EMP2: variants seen among roughly 807,000 people sequenced by gnomAD.
The protein encoded by EMP2 is epithelial membrane protein 2.
Under a neutral mutation model 13.7 loss-of-function variants are expected in EMP2, and 19 were observed. That is an observed-to-expected ratio of 1.38 (90% confidence interval 0.97 to 2.03). The LOEUF (loss-of-function observed/expected upper bound fraction) is 2.03. EMP2 is among the 30% of genes most tolerant of loss of function. The probability of loss-of-function intolerance (pLI) is 0.00; values close to 1 mark genes in which losing one functional copy is unlikely to be tolerated. For missense variants in EMP2, 253 were observed against 220.7 expected (o/e 1.15, Z -0.93); for synonymous variants, 97 against 84.7 (o/e 1.15, Z -0.80).
intron 1 of EMP2, among the ~76,000 whole-genome samples, chr16:10,579,083 G>T (rs1385757865): frequency 4.6e-5 from 7 of 152,222 alleles, no homozygotes; most frequent in Non-Finnish European, 7.3e-5. Flanking sequence ...ACTTGCAACA[G>T]GAGAGCGTGC....
intron 4 of EMP2, among the ~76,000 whole-genome samples, chr16:10,535,773 T>A (rs553027793): frequency 6.6e-6 from 1 of 151,374 alleles, no homozygotes; most frequent in East Asian, 1.9e-4. Flanking sequence ...GGGTGGGGGG[T>A]CCACGCCTCT....
chr16:10,551,510 G>T (rs952589545), intron 1 of EMP2, among the ~76,000 whole-genome samples: 1 of 152,118 alleles, frequency 6.6e-6, no homozygotes, highest in Non-Finnish European at 1.5e-5. Context: ...GGGTTCAAGC[G>T]ATTCTCCTGC....
rs1276462773 is a variant in EMP2, at chr16:10,532,367, C to T, written c.*538G>A. 2 of 152,704 alleles carry T rather than the reference C, an allele frequency of 1.3e-5. No individual in the cohort carries two copies. Among genetic ancestry groups the T allele is most frequent in the African/African-American group, 2.4e-5 (1 of 41,434 alleles). 9.5% of individuals were successfully genotyped at this position (152,704 alleles called of 1,614,324 possible). The stretch of plus-strand genomic sequence containing the variant: ...GGATGGCTGGGCTCTGGTTTGGATA[C>T]AGACAGAATGCCAGGGACTACACCT... On this transcript the variant is annotated 3_prime_UTR_variant, in exon 5 of 5. Coordinates refer to ENST00000359543, the MANE Select transcript of EMP2 (RefSeq NM_001424.6).
At chr16:10,555,591 T>C (rs548576274) in intron 1 of EMP2, among the ~76,000 whole-genome samples, 1 of 118,250 alleles carries the variant, frequency 8.5e-6, no homozygotes, top group African/African-American at 3.3e-5. Context: ...AGTCACTTTT[T>C]TTTTCTTTTT....
intron 1 of EMP2, among the ~76,000 whole-genome samples, chr16:10,575,583 C>T (rs974213582): frequency 6.6e-6 from 1 of 151,972 alleles, no homozygotes; most frequent in East Asian, 1.9e-4. Flanking sequence ...TAGATGATAA[C>T]CTCCTCTGAA....
chr16:10,578,019 A>G (rs1198231852), intron 1 of EMP2: 2 of 133,916 alleles, frequency 1.5e-5, no homozygotes, highest in East Asian at 4.5e-4. Context: ...TCTGCTTCCC[A>G]AACAAACCTC....
At chr16:10,570,044 G>A (rs907092301) in intron 1 of EMP2, among the ~76,000 whole-genome samples, 2 of 151,956 alleles carry the variant, frequency 1.3e-5, no homozygotes, top group African/African-American at 4.8e-5. Flanking sequence ...TGGGTCTGCT[G>A]AGACACTGGG....
chr16:10,558,253 C>G (rs2050846844), intron 1 of EMP2, among the ~76,000 whole-genome samples: 1 of 152,110 alleles, frequency 6.6e-6, no homozygotes. Flanking sequence ...TCTCAAACTC[C>G]TGGCCTCAAG....
At chr16:10,573,937 T>TG (rs1389592171) in intron 1 of EMP2, among the ~76,000 whole-genome samples, 1 of 138,278 alleles carries the variant, frequency 7.2e-6, no homozygotes, top group African/African-American at 2.8e-5. Flanking sequence ...AACCTTTTTT[T>TG]TTTTTTTTTT....
intron 1 of EMP2, among the ~76,000 whole-genome samples, chr16:10,564,297 C>T (rs763671666): frequency 1.3e-5 from 2 of 151,958 alleles, no homozygotes; most frequent in Middle Eastern, 3.2e-3. Flanking sequence ...TCAAGACCAG[C>T]CTGGCCAACA....
At chr16:10,570,218 T>C (rs2050937536) in intron 1 of EMP2, among the ~76,000 whole-genome samples, 1 of 147,712 alleles carries the variant, frequency 6.8e-6, no homozygotes, top group African/African-American at 2.5e-5. Context: ...CCTGAAAAAA[T>C]GGTGGCTTTT....
At chr16:10,554,505 T>A (rs1225465086) in intron 1 of EMP2, among the ~76,000 whole-genome samples, 1 of 152,182 alleles carries the variant, frequency 6.6e-6, no homozygotes, top group Admixed American at 6.6e-5. Context: ...TACACCCATG[T>A]TGCATCCTGC....
At chr16:10,570,936 G>A (rs2050942706) in intron 1 of EMP2, among the ~76,000 whole-genome samples, 1 of 151,944 alleles carries the variant, frequency 6.6e-6, no homozygotes, top group Admixed American at 6.6e-5. Context: ...GAAAGAGCAG[G>A]TAGAAGCAGT....
At chr16:10,577,826 C>T (rs551596738) in intron 1 of EMP2, among the ~76,000 whole-genome samples, 9 of 151,950 alleles carry the variant, frequency 5.9e-5, no homozygotes, top group African/African-American at 9.7e-5. Context: ...GTAACGTCAC[C>T]GCCTCCCCTC....
At chr16:10,558,105 C>T (rs145062925) in intron 1 of EMP2, among the ~76,000 whole-genome samples, 243 of 151,760 alleles carry the variant, frequency 1.6e-3, no homozygotes, top group African/African-American at 5.7e-3. Context: ...ACATTGCTCA[C>T]GGCAACCTCG....
chr16:10,558,156 A>G (rs2050846014), intron 1 of EMP2, among the ~76,000 whole-genome samples: 1 of 151,514 alleles, frequency 6.6e-6, no homozygotes, highest in African/African-American at 2.4e-5. Context: ...CAGCCTCCCC[A>G]GTAGCTGGGA....
At chr16:10,540,449 C>CGAGCAGA (rs746142603) in intron 3 of EMP2, among the ~76,000 whole-genome samples, 14 of 151,814 alleles carry the variant, frequency 9.2e-5, no homozygotes, top group Non-Finnish European at 2.1e-4. Context: ...GGGACTGCAG[C>CGAGCAGA]GAGCAGAGAT....
At chr16:10,543,310 C>A (rs2050714816) in intron 3 of EMP2, among the ~76,000 whole-genome samples, 1 of 152,268 alleles carries the variant, frequency 6.6e-6, no homozygotes, top group South Asian at 2.1e-4. Context: ...CTCGGCTGTG[C>A]CAAGAGGCAG....
At chr16:10,566,766 G>C (rs1353452179) in intron 1 of EMP2, among the ~76,000 whole-genome samples, 1 of 152,126 alleles carries the variant, frequency 6.6e-6, no homozygotes, top group Non-Finnish European at 1.5e-5. Context: ...TGTGTTCGCT[G>C]AGTACACAGA....
Sources: gnomAD v4.1 joint callset for allele counts (sites outside exome capture counted in the v4.1 genomes callset) on GRCh38, gnomAD v4.1.1 for gene constraint, MANE v1.5 for transcripts, NCBI Gene and HGNC (gene_info 2026-07-23, HGNC 2026-07-21) for gene names.